ADGRL3: variants seen among roughly 807,000 people sequenced by gnomAD.
ADGRL3 encodes adhesion G protein-coupled receptor L3.
In ADGRL3, 62 loss-of-function variants were observed where a neutral mutation model predicts 153.5. The ratio of observed to expected loss-of-function variants is 0.40; its 90% CI spans 0.33 to 0.50. ADGRL3 has a LOEUF of 0.50. ADGRL3 is among the 20% of genes least tolerant of loss of function. The pLI is 0.47. For missense variants in ADGRL3, 1,641 were observed against 1,859.4 expected (o/e 0.88, Z 2.16); for synonymous variants, 710 against 672.5 (o/e 1.06, Z -0.86).
chr4:61,934,501 G>C (rs1349173420), intron 13 of ADGRL3, among the ~76,000 whole-genome samples: 1 of 152,060 alleles, frequency 6.6e-6, no homozygotes, highest in Non-Finnish European at 1.5e-5. Flanking sequence ...ACTCTTGGTT[G>C]AATTTTTTTT....
chr4:61,381,335 T>TGTGTGTGTGTG, intron 1 of ADGRL3, among the ~76,000 whole-genome samples: 1 of 75,942 alleles, frequency 1.3e-5, no homozygotes, highest in African/African-American at 5.3e-5. Flanking sequence ...GTGTGTGTGT[T>TGTGTGTGTGTG]TAATTAAGAA....
intron 1 of ADGRL3, among the ~76,000 whole-genome samples, chr4:61,304,291 A>G (rs2150390271): frequency 6.6e-6 from 1 of 152,336 alleles, no homozygotes; most frequent in South Asian, 2.1e-4. Flanking sequence ...TGCAATTCTC[A>G]AGGGAATACA....
At chr4:61,410,782 C>T (rs1480537281) in intron 2 of ADGRL3, among the ~76,000 whole-genome samples, 3 of 152,154 alleles carry the variant, frequency 2.0e-5, no homozygotes, top group East Asian at 3.9e-4. Flanking sequence ...GCCAAGGAGT[C>T]ACCTCCTTGC....
chr4:62,005,959 TATACAC>T (rs1266304999), intron 21 of ADGRL3, among the ~76,000 whole-genome samples: 28 of 105,868 alleles, frequency 2.6e-4, no homozygotes, highest in African/African-American at 9.4e-4. Context: ...CATACATATA[TATACAC>T]ATACACACAC....
chr4:61,953,849 G>A (rs2098956407), intron 17 of ADGRL3, among the ~76,000 whole-genome samples: 1 of 152,152 alleles, frequency 6.6e-6, no homozygotes, highest in Non-Finnish European at 1.5e-5. Context: ...CCGCATTCTT[G>A]CAACACGTTC....
intron 8 of ADGRL3, among the ~76,000 whole-genome samples, chr4:61,745,721 G>A (rs1561167398): frequency 1.3e-5 from 2 of 152,170 alleles, no homozygotes; most frequent in Non-Finnish European, 2.9e-5. Flanking sequence ...ACTAAACATG[G>A]AAAGGAACAA....
intron 9 of ADGRL3, among the ~76,000 whole-genome samples, chr4:61,868,026 A>G (rs887563379): frequency 3.9e-5 from 6 of 152,232 alleles, no homozygotes; most frequent in Middle Eastern, 3.4e-3. Context: ...CTGTTTTAAT[A>G]TTAGTTATAG....
At chr4:61,700,430 A>G (rs1339912006) in intron 6 of ADGRL3, among the ~76,000 whole-genome samples, 2 of 152,190 alleles carry the variant, frequency 1.3e-5, no homozygotes, top group African/African-American at 4.8e-5. Context: ...AGACAAAAGT[A>G]TTACAAAACG....
chr4:61,876,908 TAAAAA>T (rs33929278), intron 9 of ADGRL3, among the ~76,000 whole-genome samples: 2 of 135,606 alleles, frequency 1.5e-5, no homozygotes. Flanking sequence ...GCTTTCACTT[TAAAAA>T]AAAAAAAAAA....
At chr4:61,404,216 CTGAA>C (rs937355765) in intron 2 of ADGRL3, among the ~76,000 whole-genome samples, 19 of 151,956 alleles carry the variant, frequency 1.3e-4, no homozygotes, top group African/African-American at 4.6e-4. Flanking sequence ...AATAAATTGT[CTGAA>C]TGAATGGAAC....
In ADGRL3 at chr4:61,894,002, C is replaced by T. The variant is rs148691210; in HGVS notation, c.1783+1044C>T. On this transcript the variant is annotated intron_variant, in intron 10 of 26. Transcript: ENST00000683033. Reference sequence around the variant, plus strand: ...CTGGGAGTACAGGCATAAGCCACTGCGCCTGGCCTTCTTTGCCTATTTTAT... The same window carrying T: ...CTGGGAGTACAGGCATAAGCCACTGTGCCTGGCCTTCTTTGCCTATTTTAT... Among the ~76,000 whole-genome samples the T allele has an allele frequency of 8.5e-5, 13 of 152,192 alleles. No homozygotes were observed. The East Asian group carries it at 1.2e-3, about 14-fold the overall frequency.
At chr4:61,401,774 A>G (rs2096932707) in intron 2 of ADGRL3, among the ~76,000 whole-genome samples, 1 of 152,126 alleles carries the variant, frequency 6.6e-6, no homozygotes, top group Non-Finnish European at 1.5e-5. Context: ...CATATATTCA[A>G]ACCAGATATG....
chr4:61,734,712 T>C (rs1225259846), intron 8 of ADGRL3, among the ~76,000 whole-genome samples: 1 of 152,164 alleles, frequency 6.6e-6, no homozygotes, highest in Non-Finnish European at 1.5e-5. Flanking sequence ...GCCATAACAG[T>C]CTTCTCCAAG....
intron 9 of ADGRL3, among the ~76,000 whole-genome samples, chr4:61,875,949 G>A (rs1561400339): frequency 6.6e-6 from 1 of 152,188 alleles, no homozygotes; most frequent in South Asian, 2.1e-4. Flanking sequence ...ACTTTGGGAG[G>A]CCAAGGTGGG....
At chr4:61,577,395 ACT>A (rs2098893724) in intron 4 of ADGRL3, among the ~76,000 whole-genome samples, 1 of 152,034 alleles carries the variant, frequency 6.6e-6, no homozygotes, top group African/African-American at 2.4e-5. Flanking sequence ...TTTATTCTTC[ACT>A]AAGTTTCTTC....
intron 1 of ADGRL3, among the ~76,000 whole-genome samples, chr4:61,325,011 AT>A (rs2095436774): frequency 6.6e-6 from 1 of 152,176 alleles, no homozygotes; most frequent in Non-Finnish European, 1.5e-5. Flanking sequence ...TACTAAGTGC[AT>A]TGCTTAAAAA....
intron 21 of ADGRL3, among the ~76,000 whole-genome samples, chr4:62,007,415 T>C (rs1322912508): frequency 1.9e-5 from 2 of 105,680 alleles, no homozygotes; most frequent in Non-Finnish European, 4.1e-5. Flanking sequence ...TACACGTATA[T>C]ATATATACAC....
chr4:61,265,976 G>A (rs2092821955), intron 1 of ADGRL3, among the ~76,000 whole-genome samples: 1 of 151,766 alleles, frequency 6.6e-6, no homozygotes, highest in Admixed American at 6.6e-5. Flanking sequence ...TGCAATTCTG[G>A]AATACTAACT....
chr4:61,746,969 A>C (rs1181964951), intron 8 of ADGRL3, among the ~76,000 whole-genome samples: 2 of 152,242 alleles, frequency 1.3e-5, no homozygotes, highest in African/African-American at 4.8e-5. Context: ...AGCAAGACTA[A>C]TAAAGAAGAA....
Sources: allele counts gnomAD v4.1 joint callset (sites outside exome capture counted in the v4.1 genomes callset), GRCh38; gene constraint gnomAD v4.1.1; transcripts MANE v1.5; gene names NCBI Gene and HGNC (gene_info 2026-07-23, HGNC 2026-07-21).